MAPK9: variants seen among roughly 807,000 people sequenced by gnomAD.
MAPK9 encodes the protein Jun kinase.
MAPK9 carries 30 observed loss-of-function variants against 57.1 expected under a neutral mutation model. The observed-to-expected ratio is 0.53, with a 90% confidence interval of 0.39 to 0.71. The LOEUF (loss-of-function observed/expected upper bound fraction) is 0.71. Ranked by LOEUF, MAPK9 falls within the 30% of genes least tolerant of loss-of-function variation. MAPK9 has a pLI of 0.00. For synonymous variants in MAPK9, 155 were observed against 177.0 expected, an observed-to-expected ratio of 0.88 and a Z score of 0.99; for missense variants, 362 against 521.0, an observed-to-expected ratio of 0.69 and a Z score of 2.97.
intron 2 of MAPK9, among the ~76,000 whole-genome samples, chr5:180,270,704 A>C (rs1761179721): frequency 6.6e-6 from 1 of 151,914 alleles, no homozygotes; most frequent in South Asian, 2.1e-4. Context: ...TACAAAGATT[A>C]GCTGAGTGTG....
chr5:180,287,847 G>C (rs139384999), intron 1 of MAPK9, among the ~76,000 whole-genome samples: 2 of 152,276 alleles, frequency 1.3e-5, no homozygotes, highest in Non-Finnish European at 2.9e-5. Context: ...TACTCTGTAA[G>C]GGCAGAAAAT....
In MAPK9 at chr5:180,238,667, G is replaced by A. The variant is rs1451731598; in HGVS notation, c.1061-264C>T. 3.7e-5 allele frequency among the ~76,000 whole-genome samples: 5 copies of A among 135,438 alleles called. No homozygotes were observed. In the East Asian group the frequency reaches 1.1e-3, roughly 29 times the overall value. 88.9% of individuals were successfully genotyped at this position (135,438 alleles called of 152,430 possible). A position where few individuals can be genotyped will look rare whatever the true frequency, so the allele number is the denominator to read the frequency against. ...GCTGTCATCCAGGCTGGAGTACAGTGGCATGGTCTTGACTCACTGAAACCT... is the reference window on the plus strand; with the variant it reads ...GCTGTCATCCAGGCTGGAGTACAGTAGCATGGTCTTGACTCACTGAAACCT... On this transcript the variant is annotated intron_variant, in intron 10 of 11. Coordinates refer to ENST00000452135, the MANE Select transcript of MAPK9 (RefSeq NM_002752.5).
intron 1 of MAPK9, among the ~76,000 whole-genome samples, 191 bp downstream of exon 1, chr5:180,291,657 G>C (rs909917489): frequency 1.3e-5 from 2 of 151,736 alleles, no homozygotes; most frequent in East Asian, 1.9e-4. Context: ...CCGCAGCCCG[G>C]GGCTGCTGAC....
chr5:180,277,382 C>T (rs532055156), intron 2 of MAPK9, among the ~76,000 whole-genome samples: 1 of 152,308 alleles, frequency 6.6e-6, no homozygotes, highest in Non-Finnish European at 1.5e-5. Flanking sequence ...TATTGCTTGG[C>T]TGTGGCCCCA....
chr5:180,257,335 ACCCATCT>A (rs1759394260), intron 5 of MAPK9, among the ~76,000 whole-genome samples: 1 of 151,952 alleles, frequency 6.6e-6, no homozygotes, highest in South Asian at 2.1e-4. Flanking sequence ...ACCATCTAAA[ACCCATCT>A]GCTTATTTCT....
intron 5 of MAPK9, 87 bp downstream of exon 5, chr5:180,261,597 A>G (rs1377976655): frequency 8.0e-7 from 1 of 1,249,572 alleles, no homozygotes; most frequent in Admixed American, 2.9e-5. Flanking sequence ...AAGCCTAACA[A>G]TTTTTTTTAA....
At chr5:180,269,104 A>G (rs2127605555) in intron 3 of MAPK9, among the ~76,000 whole-genome samples, 176 bp downstream of exon 3, 1 of 152,362 alleles carries the variant, frequency 6.6e-6, no homozygotes, top group East Asian at 1.9e-4. Flanking sequence ...GCGCCACTGC[A>G]TTCCAGCCTG....
At chr5:180,280,159 C>G in intron 2 of MAPK9, 1 of 443,288 alleles carries the variant, frequency 2.3e-6, no homozygotes. Flanking sequence ...ACTCTGATAT[C>G]ATAATGACAG....
chr5:180,284,225 C>T (rs1762547791), intron 1 of MAPK9, among the ~76,000 whole-genome samples: 1 of 152,244 alleles, frequency 6.6e-6, no homozygotes, highest in South Asian at 2.1e-4. Flanking sequence ...ACCACATTAG[C>T]AATACACTAA....
intron 5 of MAPK9, among the ~76,000 whole-genome samples, chr5:180,252,483 T>A (rs900738591): frequency 8.5e-5 from 13 of 152,110 alleles, no homozygotes; most frequent in Admixed American, 5.9e-4. Flanking sequence ...CCCCTGAGGC[T>A]TCCATGGTGG....
chr5:180,282,895 G>A (rs986449363), intron 1 of MAPK9, among the ~76,000 whole-genome samples: 4 of 152,188 alleles, frequency 2.6e-5, no homozygotes, highest in Admixed American at 1.3e-4. Context: ...GAAGATTTGG[G>A]GGAATGGGAG....
Position 180,247,765 on chromosome 5 carries a change from A to G in MAPK9, c.617-255T>C, listed in dbSNP as rs1758266875. On this transcript the variant is annotated intron_variant, in intron 6 of 11. Coordinates refer to ENST00000452135, the MANE Select transcript of MAPK9 (RefSeq NM_002752.5). This position sits in a 1 kb window ranked among gnomAD's most constrained non-coding sequence, Gnocchi z 4.5. Reference sequence around the variant, plus strand: ...CAAACAAACAAACAAAAAACCAGAAACAAGAAGTGCCTGTGAACACAAAGC... The same window carrying G: ...CAAACAAACAAACAAAAAACCAGAAGCAAGAAGTGCCTGTGAACACAAAGC... 7.4e-7 allele frequency: 1 copy of G among 1,352,942 alleles called. No individual in the cohort carries two copies. The highest frequency in any genetic ancestry group is 1.8e-5 in the Admixed American group (1 of 56,944). 83.8% of individuals were successfully genotyped at this position (1,352,942 alleles called of 1,614,324 possible). A position where few individuals can be genotyped will look rare whatever the true frequency, so the allele number is the denominator to read the frequency against.
intron 1 of MAPK9, among the ~76,000 whole-genome samples, chr5:180,284,165 G>T (rs1310180041): frequency 6.6e-6 from 1 of 152,044 alleles, no homozygotes; most frequent in Non-Finnish European, 1.5e-5. Flanking sequence ...CATCAACTGG[G>T]GCTCAGAAAA....
intron 2 of MAPK9, among the ~76,000 whole-genome samples, chr5:180,269,865 G>A (rs1470596419): frequency 6.6e-6 from 1 of 152,156 alleles, no homozygotes; most frequent in Non-Finnish European, 1.5e-5. Flanking sequence ...TTGAATCACT[G>A]TGTTTTTTTC....
chr5:180,261,883 T>C (rs985816737), intron 4 of MAPK9, 61 bp from the exon 5 acceptor site: 3 of 1,442,044 alleles, frequency 2.1e-6, no homozygotes, highest in Admixed American at 2.0e-5. Flanking sequence ...TATGACTAAA[T>C]TTCATGAAAC....
chr5:180,255,100 C>A (rs969957385), intron 5 of MAPK9, among the ~76,000 whole-genome samples: 2 of 152,152 alleles, frequency 1.3e-5, no homozygotes, highest in Admixed American at 1.3e-4. Context: ...ACAGGCACTG[C>A]CTCCGCCATT....
intron 5 of MAPK9, among the ~76,000 whole-genome samples, chr5:180,254,117 C>A (rs931841487): frequency 6.6e-6 from 1 of 152,172 alleles, no homozygotes; most frequent in African/African-American, 2.4e-5. Flanking sequence ...TAGGCACCTG[C>A]CACCACGCCC....
Position 180,238,213 on chromosome 5 carries a change from T to C in MAPK9, c.1132+119A>G, listed in dbSNP as rs1757340264. 23 of 667,148 alleles carry C rather than the reference T, an allele frequency of 3.4e-5. No individual in the cohort carries two copies. In the South Asian group the frequency reaches 3.9e-4, roughly 11 times the overall value. The allele number at this position is 667,148 out of a possible 1,614,324, so 41.3% of individuals were successfully genotyped here. A position where few individuals can be genotyped will look rare whatever the true frequency, so the allele number is the denominator to read the frequency against. On this transcript the variant is annotated intron_variant, in intron 11 of 11. Coordinates refer to ENST00000452135, the MANE Select transcript of MAPK9 (RefSeq NM_002752.5). ...TGAACCCAGGAGGCGGAGGTTGCAG[T>C]GAGCAGAGATCGCGCCGCTGCTCTC...
intron 3 of MAPK9, among the ~76,000 whole-genome samples, chr5:180,268,351 A>C (rs1050846883): frequency 6.6e-6 from 1 of 152,216 alleles, no homozygotes; most frequent in Non-Finnish European, 1.5e-5. Flanking sequence ...CAAGGTAAAA[A>C]CCTACTTATA....
Sources: gnomAD v4.1 joint callset for allele counts (sites outside exome capture counted in the v4.1 genomes callset) on GRCh38, gnomAD v4.1.1 for gene constraint, Gnocchi (gnomAD v3.1) non-coding constraint, MANE v1.5 for transcripts, NCBI Gene and HGNC (gene_info 2026-07-23, HGNC 2026-07-21) for gene names.